The following NRG2 variants were observed in gnomAD, a reference collection of about 807,000 sequenced individuals.
NRG2 encodes neuregulin 2.
NRG2 carries 27 observed loss-of-function variants against 73.9 expected under a neutral mutation model. That is an observed-to-expected ratio of 0.37 (90% CI 0.27 to 0.50). The LOEUF is 0.50. Among genes scored for constraint, NRG2 ranks in the 20% least tolerant of loss-of-function variants. The probability of loss-of-function intolerance (pLI) is 0.96; values close to 1 mark genes in which losing one functional copy is unlikely to be tolerated. For synonymous variants in NRG2, 532 were observed against 541.0 expected, an observed-to-expected ratio of 0.98 and a Z score of 0.23; for missense variants, 1,126 against 1,210.1, an observed-to-expected ratio of 0.93 and a Z score of 1.03.
intron 1 of NRG2, among the ~76,000 whole-genome samples, chr5:139,897,571 C>T (rs1170486103): frequency 1.3e-5 from 2 of 152,126 alleles, no homozygotes; most frequent in South Asian, 2.1e-4. Context: ...GCTGCAGAAT[C>T]GCCGTGTTTC....
At chr5:139,951,048 T>C (rs1312959897) in intron 1 of NRG2, among the ~76,000 whole-genome samples, 1 of 152,236 alleles carries the variant, frequency 6.6e-6, no homozygotes, top group Non-Finnish European at 1.5e-5. Flanking sequence ...GTTGTCACAC[T>C]GCAGAGAAGA....
Position 140,042,536 on chromosome 5 carries a change from C to T in NRG2, c.534G>A (p.Gln178=), listed in dbSNP as rs1490675987. ...PLRSGGLQRE[Q]VISVGSCVPL... Reference sequence around the variant, plus strand: ...GCACACAGGAGCCCACGCTGATCACCTGCTCGCGCTGCAGCCCCCCGCTCC... The same window carrying T: ...GCACACAGGAGCCCACGCTGATCACTTGCTCGCGCTGCAGCCCCCCGCTCC... Residue 178 remains glutamine (Q), a synonymous_variant, in exon 1 of 10, where the codon CAG becomes CAA. Transcript: ENST00000361474. 1 of 1,612,772 alleles carries T rather than the reference C, an allele frequency of 6.2e-7. No homozygotes were observed. The highest frequency in any genetic ancestry group is 1.3e-5 in the African/African-American group (1 of 74,862).
Position 139,852,618 on chromosome 5 carries a change from G to A in NRG2, c.1417-59C>T, listed in dbSNP as rs1027975205. The A allele has an allele frequency of 6.3e-7, 1 of 1,589,746 alleles. No homozygotes were observed. Among genetic ancestry groups the A allele is most frequent in the Non-Finnish European group, 8.6e-7 (1 of 1,167,320 alleles). Reference sequence around the variant, plus strand: ...CTGGGGCCCAAATGAACTCTTTCTTGTTGGGGACAGGGAAGTGATGAGCAC... The same window carrying A: ...CTGGGGCCCAAATGAACTCTTTCTTATTGGGGACAGGGAAGTGATGAGCAC... On this transcript the variant is annotated intron_variant, in intron 7 of 9. Transcript: ENST00000361474. This position sits in a 1 kb window ranked among gnomAD's most constrained non-coding sequence, Gnocchi z 4.4.
chr5:139,896,669 T>C (rs1486959215), intron 1 of NRG2, among the ~76,000 whole-genome samples: 1 of 152,218 alleles, frequency 6.6e-6, no homozygotes, highest in East Asian at 1.9e-4. Context: ...AGTCACTTTA[T>C]CTGTGACAAC....
intron 1 of NRG2, among the ~76,000 whole-genome samples, chr5:140,038,866 C>A (rs1761701750): frequency 6.6e-6 from 1 of 152,208 alleles, no homozygotes; most frequent in Non-Finnish European, 1.5e-5. Flanking sequence ...AGTTTCTAAT[C>A]TAGTTTCACT....
chr5:139,987,358 A>T (rs1368124849), intron 1 of NRG2, among the ~76,000 whole-genome samples: 1 of 125,640 alleles, frequency 8.0e-6, no homozygotes, highest in African/African-American at 3.1e-5. Flanking sequence ...ACAGAGCAAG[A>T]CTCTGTCTCA....
At chr5:139,876,964 T>TGTGTG (rs1763221952) in intron 3 of NRG2, among the ~76,000 whole-genome samples, 1 of 144,914 alleles carries the variant, frequency 6.9e-6, no homozygotes, top group East Asian at 2.0e-4. Context: ...TGTGTGTGTG[T>TGTGTG]TTAAACAGCC....
chr5:139,928,370 G>A (rs1752215622), intron 1 of NRG2, among the ~76,000 whole-genome samples: 1 of 152,118 alleles, frequency 6.6e-6, no homozygotes, highest in South Asian at 2.1e-4. Flanking sequence ...TCTTCTCCCA[G>A]GGTTCTCTCC....
At chr5:139,990,705 G>A (rs768086014) in intron 1 of NRG2, among the ~76,000 whole-genome samples, 8 of 152,190 alleles carry the variant, frequency 5.3e-5, no homozygotes, top group Non-Finnish European at 7.4e-5. Context: ...GGTGCTAAAA[G>A]TTATTGAATT....
chr5:139,867,808 G>A (rs866656679), intron 4 of NRG2, among the ~76,000 whole-genome samples: 60 of 137,442 alleles, frequency 4.4e-4, no homozygotes, highest in Non-Finnish European at 4.6e-4. Flanking sequence ...ATGAGTGTGT[G>A]TGTGTGTGTG....
At chr5:139,979,884 G>A (rs1367275096) in intron 1 of NRG2, among the ~76,000 whole-genome samples, 1 of 152,172 alleles carries the variant, frequency 6.6e-6, no homozygotes, top group Non-Finnish European at 1.5e-5. Flanking sequence ...GATAACAAAT[G>A]CTTGTTGCTG....
intron 1 of NRG2, among the ~76,000 whole-genome samples, chr5:139,999,064 C>T (rs1001307723): frequency 6.6e-6 from 1 of 152,136 alleles, no homozygotes; most frequent in Non-Finnish European, 1.5e-5. Flanking sequence ...AAGGACGAGG[C>T]TCAGCCAGTG....
intron 1 of NRG2, among the ~76,000 whole-genome samples, chr5:139,997,081 G>A (rs956395788): frequency 7.9e-5 from 12 of 152,164 alleles, no homozygotes; most frequent in Non-Finnish European, 5.9e-5. Flanking sequence ...GGTCGAGGCC[G>A]TGGTGAGCCA....
intron 1 of NRG2, among the ~76,000 whole-genome samples, chr5:139,975,867 T>C (rs180914628): frequency 1.2e-4 from 19 of 152,306 alleles, no homozygotes; most frequent in Non-Finnish European, 1.6e-4. Flanking sequence ...AATAGGGTAA[T>C]AGAATAAAAG....
chr5:140,034,804 G>A (rs190967271), intron 1 of NRG2, among the ~76,000 whole-genome samples: 2 of 152,180 alleles, frequency 1.3e-5, no homozygotes, highest in East Asian at 3.9e-4. Context: ...TAAATTTAAC[G>A]AAATATGTGC....
chr5:140,013,639 TG>T (rs1426654372), intron 1 of NRG2, among the ~76,000 whole-genome samples: 1 of 152,200 alleles, frequency 6.6e-6, no homozygotes, highest in African/African-American at 2.4e-5. Flanking sequence ...GTAGCAAACT[TG>T]CAATAAATTC....
chr5:139,848,750 GAGGGGGGGTTGGGGGTGGGGTAGGGT>G, intron 9 of NRG2, 53 bp from the exon 10 acceptor site: 8 of 1,065,924 alleles, frequency 7.5e-6, no homozygotes, highest in Non-Finnish European at 1.0e-5. Context: ...CGGCGCGGGG[GAGGGGGGGTTGGGGGTGGGGTAGGGT>G]GGGAGGGGCG....
chr5:140,042,302 G>A (rs1217303199), intron 1 of NRG2, 68 bp downstream of exon 1: 17 of 276,510 alleles, frequency 6.1e-5, no homozygotes, highest in Non-Finnish European at 8.0e-5. Context: ...GCACCTCCCC[G>A]CCCCACCCCC....
chr5:139,928,863 C>T (rs1358756363), intron 1 of NRG2, among the ~76,000 whole-genome samples: 1 of 152,218 alleles, frequency 6.6e-6, no homozygotes, highest in Non-Finnish European at 1.5e-5. Flanking sequence ...GGCATCACAT[C>T]CTGTCACTAG....
Sources: allele counts gnomAD v4.1 joint callset (sites outside exome capture counted in the v4.1 genomes callset), GRCh38; gene constraint gnomAD v4.1.1; non-coding constraint Gnocchi (gnomAD v3.1); transcripts MANE v1.5; gene names NCBI Gene and HGNC (gene_info 2026-07-23, HGNC 2026-07-21).